The following ENOX1 variants were observed in gnomAD, a reference collection of about 807,000 sequenced individuals.
The protein encoded by ENOX1 is candidate growth-related and time keeping constitutive hydroquinone (NADH) oxidase.
Under a neutral mutation model 82.5 loss-of-function variants are expected in ENOX1, and 42 were observed. The observed-to-expected ratio is 0.51, with a 90% confidence interval of 0.40 to 0.66. ENOX1 has a LOEUF of 0.66. Among genes scored for constraint, ENOX1 ranks in the 30% least tolerant of loss-of-function variants. The probability of loss-of-function intolerance (pLI) is 0.00; values close to 1 mark genes in which losing one functional copy is unlikely to be tolerated. For missense variants in ENOX1, 608 were observed against 811.6 expected (o/e 0.75, Z 3.05); for synonymous variants, 271 against 282.2 (o/e 0.96, Z 0.40).
rs2054215265 is a variant in ENOX1, at chr13:43,412,839, A to G, written c.70+6T>C. ...TTTGTGTCCTGTGCTGGCCACTGGC[A>G]TTTACCTGCAGCCATCATCTGAGGA... is the stretch of plus-strand genomic sequence containing the variant. On this transcript the variant is annotated splice_donor_region_variant and intron_variant, in intron 4 of 16. Transcript: ENST00000690772. 1 of 1,613,902 alleles carries G rather than the reference A, an allele frequency of 6.2e-7. No individual in the cohort carries two copies. Among genetic ancestry groups the G allele is most frequent in the Non-Finnish European group, 8.5e-7 (1 of 1,180,006 alleles).
At chr13:43,440,501 A>C (rs1384809602) in intron 3 of ENOX1, among the ~76,000 whole-genome samples, 1 of 152,086 alleles carries the variant, frequency 6.6e-6, no homozygotes, top group Non-Finnish European at 1.5e-5. Context: ...CTGAGATTGA[A>C]TGTGAGTTTT....
intron 1 of ENOX1, among the ~76,000 whole-genome samples, chr13:43,722,958 T>A (rs1407289253): frequency 6.6e-6 from 1 of 152,146 alleles, no homozygotes; most frequent in Non-Finnish European, 1.5e-5. Flanking sequence ...GAAAATTACA[T>A]CATCATAAAA....
At chr13:43,361,568 C>A in intron 5 of ENOX1, 116 bp from the exon 6 acceptor site, 1 of 939,210 alleles carries the variant, frequency 1.1e-6, no homozygotes, top group East Asian at 2.9e-5. Context: ...AGGAATTTCT[C>A]CTGGCATAAG....
intron 1 of ENOX1, among the ~76,000 whole-genome samples, chr13:43,761,861 C>T (rs949356607): frequency 2.0e-5 from 3 of 151,996 alleles, no homozygotes; most frequent in Non-Finnish European, 4.4e-5. Flanking sequence ...AGAGAAAGAG[C>T]AATAAAAAAC....
intron 5 of ENOX1, among the ~76,000 whole-genome samples, chr13:43,401,739 G>A (rs565006652): frequency 3.3e-5 from 5 of 152,242 alleles, no homozygotes; most frequent in Middle Eastern, 6.8e-3. Context: ...AAGCAACCTC[G>A]CAATATGCCA....
chr13:43,645,174 A>T (rs1251397091), intron 2 of ENOX1, among the ~76,000 whole-genome samples: 2 of 152,202 alleles, frequency 1.3e-5, no homozygotes, highest in Admixed American at 1.3e-4. Flanking sequence ...TTATATCTTT[A>T]GAGAAGGGTT....
At chr13:43,711,856 TC>T (rs1362385757) in intron 1 of ENOX1, among the ~76,000 whole-genome samples, 1 of 148,484 alleles carries the variant, frequency 6.7e-6, no homozygotes, top group Non-Finnish European at 1.5e-5. Flanking sequence ...GAAAATTTTT[TC>T]CCATTTTGTA....
At chr13:43,504,710 A>G (rs1265786286) in intron 2 of ENOX1, among the ~76,000 whole-genome samples, 3 of 151,682 alleles carry the variant, frequency 2.0e-5, no homozygotes, top group South Asian at 4.1e-4. Flanking sequence ...ATGTTCAGTT[A>G]TAAAAGACAA....
rs1378429973 is a variant in ENOX1, at chr13:43,562,120, G to C, written c.-218-77968C>G. On this transcript the variant is annotated intron_variant, in intron 2 of 16. Transcript: ENST00000690772. ...CTTCCTCATAGGAACACCATATCTT[G>C]AGTAGAAAGATGAAAAAATGAACCA... Among the ~76,000 whole-genome samples, 6 of 152,084 alleles carry C rather than the reference G, an allele frequency of 3.9e-5. 1 individual carries two copies. The highest frequency in any genetic ancestry group is 1.4e-4 in the African/African-American group (6 of 41,492).
intron 2 of ENOX1, among the ~76,000 whole-genome samples, chr13:43,594,259 G>T: frequency 1.6e-5 from 1 of 64,294 alleles, no homozygotes; most frequent in African/African-American, 5.3e-5. Context: ...ACAAACCGAG[G>T]TCAAGTCATC....
chr13:43,651,041 T>G (rs1292266925), intron 2 of ENOX1, among the ~76,000 whole-genome samples: 1 of 152,156 alleles, frequency 6.6e-6, no homozygotes, highest in Non-Finnish European at 1.5e-5. Flanking sequence ...GCCCCTAAGC[T>G]CTATGTAAAT....
rs79532335 is a variant in ENOX1 at position 43,320,465 on chromosome 13, C to T, written c.1261+1919G>A. Among the ~76,000 whole-genome samples, 14 of 152,166 alleles carry T rather than the reference C, an allele frequency of 9.2e-5. No homozygotes were observed. In the East Asian group the frequency reaches 1.7e-3, roughly 19 times the overall value. On this transcript the variant is annotated intron_variant, in intron 11 of 16. Coordinates refer to ENST00000690772, the MANE Select transcript of ENOX1 (RefSeq NM_001347969.2). ...CTGGGGAATAAACCGAGAGAGGTGTCGGGGGATCACATCTCCGTCGATGCT... is the reference window on the plus strand; with the variant it reads ...CTGGGGAATAAACCGAGAGAGGTGTTGGGGGATCACATCTCCGTCGATGCT...
At chr13:43,739,570 AT>A (rs1244727369) in intron 1 of ENOX1, among the ~76,000 whole-genome samples, 2 of 150,216 alleles carry the variant, frequency 1.3e-5, no homozygotes, top group Non-Finnish European at 3.0e-5. Context: ...AATTATTATT[AT>A]TATATAATAA....
chr13:43,553,759 T>C (rs2079311673), intron 2 of ENOX1, among the ~76,000 whole-genome samples: 1 of 152,184 alleles, frequency 6.6e-6, no homozygotes, highest in Non-Finnish European at 1.5e-5. Flanking sequence ...TCTTTCTTTC[T>C]CTTTAAAGAG....
chr13:43,770,601 T>C (rs1951529756), intron 1 of ENOX1, among the ~76,000 whole-genome samples: 2 of 151,910 alleles, frequency 1.3e-5, no homozygotes, highest in South Asian at 4.1e-4. Flanking sequence ...TTATTATGAG[T>C]TATTATGAAA....
intron 2 of ENOX1, among the ~76,000 whole-genome samples, chr13:43,597,197 G>T (rs2081511189): frequency 6.6e-6 from 1 of 152,132 alleles, no homozygotes; most frequent in African/African-American, 2.4e-5. Flanking sequence ...CAAAGGGGAA[G>T]TCTGCCCCCA....
intron 11 of ENOX1, among the ~76,000 whole-genome samples, chr13:43,299,477 C>T (rs1298984405): frequency 2.6e-5 from 4 of 152,146 alleles, no homozygotes; most frequent in Admixed American, 2.0e-4. Flanking sequence ...GATGCCGGTG[C>T]TGGTCTTATG....
intron 2 of ENOX1, among the ~76,000 whole-genome samples, chr13:43,662,954 A>T (rs1443816645): frequency 6.6e-6 from 1 of 152,238 alleles, no homozygotes; most frequent in Non-Finnish European, 1.5e-5. Flanking sequence ...AAGTTTTCAT[A>T]AAGGATATGA....
At position 43,460,829 on chromosome 13, in the gene ENOX1, AAT is replaced by A. The variant is rs1491068129; in HGVS notation, c.-75+23178_-75+23179del. 8.2e-3 allele frequency among the ~76,000 whole-genome samples: 168 copies of A among 20,504 alleles called. 42 individuals carry two copies. The highest frequency in any genetic ancestry group is 0.027 in the East Asian group (11 of 406). 13.5% of individuals were successfully genotyped at this position (20,504 alleles called of 152,430 possible). A position where few individuals can be genotyped will look rare whatever the true frequency, so the allele number is the denominator to read the frequency against. ...AAAAAAAAAAAAAAAAAAAAAAAAA[AAT>A]AGGGATAGCTCTCTACAAACCAAGG... On this transcript the variant is annotated intron_variant, in intron 3 of 16. Coordinates refer to ENST00000690772, the MANE Select transcript of ENOX1 (RefSeq NM_001347969.2).
Sources: gnomAD v4.1 joint callset for allele counts (sites outside exome capture counted in the v4.1 genomes callset) on GRCh38, gnomAD v4.1.1 for gene constraint, MANE v1.5 for transcripts, NCBI Gene and HGNC (gene_info 2026-07-23, HGNC 2026-07-21) for gene names.